CYP19A1: variants seen among roughly 807,000 people sequenced by gnomAD.
CYP19A1 encodes aromatase.
Under a neutral mutation model 44.4 loss-of-function variants are expected in CYP19A1, and 32 were observed. The ratio of observed to expected loss-of-function variants is 0.72; its 90% CI spans 0.54 to 0.97. The LOEUF (loss-of-function observed/expected upper bound fraction) is 0.97, where lower values mean the gene tolerates loss of function less well. CYP19A1 is among the 50% of genes least tolerant of loss of function. The probability of loss-of-function intolerance (pLI) is 0.00; values close to 1 mark genes in which losing one functional copy is unlikely to be tolerated. For synonymous variants in CYP19A1, 212 were observed against 215.6 expected, an observed-to-expected ratio of 0.98 and a Z score of 0.14; for missense variants, 598 against 637.8, an observed-to-expected ratio of 0.94 and a Z score of 0.67.
intron 1 of CYP19A1, among the ~76,000 whole-genome samples, chr15:51,334,191 G>A (rs1460459082): frequency 6.6e-6 from 1 of 152,064 alleles, no homozygotes; most frequent in Non-Finnish European, 1.5e-5. Context: ...TTCACTTCCT[G>A]TCCATCATTT....
intron 2 of CYP19A1, among the ~76,000 whole-genome samples, chr15:51,240,087 G>GA (rs397735924): frequency 0.06 from 6 of 100 alleles, no homozygotes; most frequent in South Asian, 0.36. Context: ...CTTCTCCGCA[G>GA]AATGACCCTT....
intron 1 of CYP19A1, chr15:51,277,243 A>C (rs1008507237): frequency 1.4e-4 from 21 of 152,212 alleles, no homozygotes; most frequent in African/African-American, 4.8e-4. Flanking sequence ...ATCCCCATAA[A>C]ATATCTCCTT....
intron 1 of CYP19A1, among the ~76,000 whole-genome samples, chr15:51,337,663 C>T (rs1486581790): frequency 6.6e-6 from 1 of 152,152 alleles, no homozygotes; most frequent in Non-Finnish European, 1.5e-5. Context: ...GTGGGCAACA[C>T]TGAAATAGGC....
intron 3 of CYP19A1, among the ~76,000 whole-genome samples, chr15:51,233,527 T>C (rs1395204683): frequency 1.3e-5 from 2 of 152,248 alleles, no homozygotes; most frequent in African/African-American, 4.8e-5. Flanking sequence ...CAATAATGAC[T>C]ATTACAACTT....
chr15:51,303,464 G>A (rs993345852), intron 1 of CYP19A1, among the ~76,000 whole-genome samples: 1 of 151,116 alleles, frequency 6.6e-6, no homozygotes, highest in African/African-American at 2.4e-5. Context: ...ATAAAGTCAA[G>A]AATGAAAACA....
intron 2 of CYP19A1, among the ~76,000 whole-genome samples, chr15:51,240,551 G>A (rs1367450345): frequency 6.6e-6 from 1 of 152,156 alleles, no homozygotes; most frequent in Non-Finnish European, 1.5e-5. Flanking sequence ...ATTAAAGGGA[G>A]CTGGCAGGAG....
chr15:51,318,464 C>T (rs1001908349), intron 1 of CYP19A1: 1 of 152,296 alleles, frequency 6.6e-6, no homozygotes, highest in Admixed American at 6.5e-5. Context: ...TGCCAGGGAC[C>T]TCCTGTCAGG....
intron 1 of CYP19A1, among the ~76,000 whole-genome samples, chr15:51,258,649 T>C (rs192005451): frequency 7.9e-5 from 12 of 152,228 alleles, no homozygotes; most frequent in African/African-American, 2.9e-4. Context: ...TGCTCCACAT[T>C]CCTTCCCCCA....
At chr15:51,250,216 C>T (rs1426456924) in intron 1 of CYP19A1, among the ~76,000 whole-genome samples, 1 of 152,234 alleles carries the variant, frequency 6.6e-6, no homozygotes, top group Non-Finnish European at 1.5e-5. Context: ...CTAAAACCCA[C>T]ATTTCACATG....
chr15:51,326,082 C>CTTCA (rs1176324508), intron 1 of CYP19A1, among the ~76,000 whole-genome samples: 1 of 152,142 alleles, frequency 6.6e-6, no homozygotes, highest in Non-Finnish European at 1.5e-5. Context: ...TGAAAGTGAA[C>CTTCA]TTCACACCAT....
chr15:51,216,032 T>A, intron 6 of CYP19A1: 1 of 952,972 alleles, frequency 1.0e-6, no homozygotes. Flanking sequence ...CTAAGATTTC[T>A]GGATACTGGT....
At chr15:51,322,325 G>A (rs1044447426) in intron 1 of CYP19A1, among the ~76,000 whole-genome samples, 3 of 152,240 alleles carry the variant, frequency 2.0e-5, no homozygotes, top group Non-Finnish European at 4.4e-5. Context: ...GGAGGCTTTC[G>A]CCTGAACTGT....
rs561434866 is a variant in CYP19A1, at chr15:51,219,921, G to A, written c.629-1266C>T. 7.9e-5 allele frequency among the ~76,000 whole-genome samples: 12 copies of A among 152,328 alleles called. No individual in the cohort carries two copies. In the South Asian group the frequency reaches 2.5e-3, roughly 32 times the overall value. Reference sequence around the variant, plus strand: ...CTGAAAAGAGATCAGGTGAGAAAGTGTGACTAAAACTTCTTCAAGTGATTG... The same window carrying A: ...CTGAAAAGAGATCAGGTGAGAAAGTATGACTAAAACTTCTTCAAGTGATTG... On this transcript the variant is annotated intron_variant, in intron 5 of 9. Coordinates refer to ENST00000396402, the MANE Select transcript of CYP19A1 (RefSeq NM_000103.4).
intron 1 of CYP19A1, among the ~76,000 whole-genome samples, chr15:51,294,574 AG>A (rs1351625426): frequency 7.1e-6 from 1 of 141,180 alleles, no homozygotes; most frequent in Non-Finnish European, 1.5e-5. Flanking sequence ...CCCGTCCGGG[AG>A]GGAGGTGGGG....
chr15:51,256,089 ATCTT>A (rs1430871721), intron 1 of CYP19A1, among the ~76,000 whole-genome samples: 1 of 152,260 alleles, frequency 6.6e-6, no homozygotes, highest in Non-Finnish European at 1.5e-5. Flanking sequence ...AAGGCAGAGT[ATCTT>A]TATCACCACA....
intron 1 of CYP19A1, among the ~76,000 whole-genome samples, chr15:51,265,473 G>A (rs967920508): frequency 4.6e-5 from 7 of 152,126 alleles, no homozygotes; most frequent in African/African-American, 7.2e-5. Flanking sequence ...TCCTCAGCCC[G>A]GAGGGAGGAA....
chr15:51,226,592 G>A (rs904929150), intron 4 of CYP19A1, among the ~76,000 whole-genome samples: 3 of 152,196 alleles, frequency 2.0e-5, no homozygotes, highest in African/African-American at 7.2e-5. Flanking sequence ...ATGGAAGGCG[G>A]CTACCTAGGT....
At chr15:51,249,906 C>T (rs548286616) in intron 1 of CYP19A1, among the ~76,000 whole-genome samples, 4 of 152,214 alleles carry the variant, frequency 2.6e-5, no homozygotes, top group Non-Finnish European at 5.9e-5. Flanking sequence ...GGTCATGACA[C>T]TTGAGGTTCC....
chr15:51,338,322 G>A (rs755575486), intron 1 of CYP19A1, 173 bp downstream of exon 1: 9 of 152,158 alleles, frequency 5.9e-5, no homozygotes, highest in African/African-American at 1.4e-4. Flanking sequence ...CTCACACCAC[G>A]ACAACAGTCA....
Sources: gnomAD v4.1 joint callset for allele counts (sites outside exome capture counted in the v4.1 genomes callset) on GRCh38, gnomAD v4.1.1 for gene constraint, MANE v1.5 for transcripts, NCBI Gene and HGNC (gene_info 2026-07-23, HGNC 2026-07-21) for gene names.